The following PRKN variants were observed in gnomAD, a reference collection of about 807,000 sequenced individuals.
PRKN encodes parkin RBR E3 ubiquitin protein ligase.
A neutral mutation model predicts 59.5 loss-of-function variants in PRKN; 56 were observed. The ratio of observed to expected loss-of-function variants is 0.94; its 90% CI spans 0.76 to 1.18. The LOEUF (loss-of-function observed/expected upper bound fraction) is 1.18. Ranked by LOEUF, PRKN falls within the 50% of genes most tolerant of loss-of-function variation. PRKN has a pLI of 0.00. For synonymous variants in PRKN, 250 were observed against 222.1 expected (o/e 1.13, Z -1.12); for missense variants, 657 against 596.4 (o/e 1.10, Z -1.06).
rs539300613 is a variant in PRKN, at chr6:161,368,357, GTATA to G, written c.1168-8156_1168-8153del. Among the ~76,000 whole-genome samples the G allele has an allele frequency of 2.1e-3, 175 of 85,260 alleles. 1 individual carries two copies. Among genetic ancestry groups the G allele is most frequent in the African/African-American group, 6.8e-3 (156 of 22,852 alleles). The allele number at this position is 85,260 out of a possible 152,430, so 55.9% of individuals were successfully genotyped here. A position where few individuals can be genotyped will look rare whatever the true frequency, so the allele number is the denominator to read the frequency against. On this transcript the variant is annotated intron_variant, in intron 10 of 11. Coordinates refer to ENST00000366898, the MANE Select transcript of PRKN (RefSeq NM_004562.3). ...TATATATATTTGTATATATATTTGT[GTATA>G]TATATAGCAACCTCAGTCTTGATAT...
chr6:161,589,208 G>A (rs1247257214), intron 7 of PRKN, among the ~76,000 whole-genome samples: 2 of 152,200 alleles, frequency 1.3e-5, no homozygotes, highest in African/African-American at 2.4e-5. Flanking sequence ...GGGTAAGGAG[G>A]ACGCGCAGAG....
Position 161,357,753 on chromosome 6 carries a change from T to C in PRKN, c.1285+2335A>G, listed in dbSNP as rs1784816496. On this transcript the variant is annotated intron_variant, in intron 11 of 11. Transcript: ENST00000366898. This position sits in a 1 kb window ranked among gnomAD's most constrained non-coding sequence, Gnocchi z 5.5. ...GACATATGTGCCACTTGCTTTGAAA[T>C]TCTGATTTCTCACTGAGGATGGATG... 6.6e-6 allele frequency among the ~76,000 whole-genome samples: 1 copy of C among 152,252 alleles called. No homozygotes were observed. Among genetic ancestry groups the C allele is most frequent in the African/African-American group, 2.4e-5 (1 of 41,470 alleles).
chr6:162,422,800 G>A (rs1789040188), intron 2 of PRKN, among the ~76,000 whole-genome samples: 1 of 151,926 alleles, frequency 6.6e-6, no homozygotes, highest in African/African-American at 2.4e-5. Flanking sequence ...AAAAAAATTA[G>A]CTGGACATGA....
chr6:162,398,751 A>G (rs2128148492), intron 2 of PRKN, among the ~76,000 whole-genome samples: 1 of 152,242 alleles, frequency 6.6e-6, no homozygotes, highest in South Asian at 2.1e-4. Flanking sequence ...AAATATGCAA[A>G]TCTCCTTTTC....
At chr6:162,235,902 AAAGGAAGGAAGGAAGGAAGG>A (rs777894905) in intron 3 of PRKN, among the ~76,000 whole-genome samples, 829 of 73,274 alleles carry the variant, frequency 0.011, 32 homozygotes, top group African/African-American at 0.048. Context: ...AGAAAGAAGG[AAAGGAAGGAAGGAAGGAAGG>A]AAGGAAGGAA....
At chr6:161,974,671 G>GA (rs939339290) in intron 5 of PRKN, among the ~76,000 whole-genome samples, 108 of 148,386 alleles carry the variant, frequency 7.3e-4, no homozygotes, top group African/African-American at 2.4e-3. Flanking sequence ...TTTTGCTACT[G>GA]AAAAAAAAAA....
At chr6:162,601,678 C>T (rs575178211) in intron 1 of PRKN, among the ~76,000 whole-genome samples, 11 of 151,974 alleles carry the variant, frequency 7.2e-5, no homozygotes, top group African/African-American at 2.4e-4. Context: ...CATATATGAG[C>T]AGTACATTTT....
intron 7 of PRKN, among the ~76,000 whole-genome samples, chr6:161,758,322 C>A (rs1789039846): frequency 6.6e-6 from 1 of 151,850 alleles, no homozygotes; most frequent in South Asian, 2.1e-4. Flanking sequence ...GGAAACAAGC[C>A]CAGCATTCAT....
At chr6:161,465,971 C>T (rs1385421314) in intron 9 of PRKN, among the ~76,000 whole-genome samples, 1 of 152,098 alleles carries the variant, frequency 6.6e-6, no homozygotes, top group Non-Finnish European at 1.5e-5. Flanking sequence ...ATATATTCAA[C>T]ACATACAAAA....
chr6:162,578,257 T>C (rs1780642211), intron 1 of PRKN, among the ~76,000 whole-genome samples: 1 of 152,124 alleles, frequency 6.6e-6, no homozygotes, highest in African/African-American at 2.4e-5. Flanking sequence ...CAAACATATA[T>C]ATAGTATAAG....
intron 5 of PRKN, among the ~76,000 whole-genome samples, chr6:162,031,212 C>T (rs575149108): frequency 6.6e-6 from 1 of 151,658 alleles, no homozygotes; most frequent in Admixed American, 6.6e-5. Context: ...TGGCTTCTTT[C>T]TGCACACACC....
chr6:162,488,621 G>A (rs539694408), intron 1 of PRKN, among the ~76,000 whole-genome samples: 8 of 152,304 alleles, frequency 5.3e-5, no homozygotes, highest in African/African-American at 1.7e-4. Flanking sequence ...CACTCTGGAT[G>A]GGTGACCGTC....
intron 7 of PRKN, among the ~76,000 whole-genome samples, chr6:161,623,776 A>G (rs769599343): frequency 3.9e-5 from 6 of 152,250 alleles, no homozygotes; most frequent in Non-Finnish European, 8.8e-5. Context: ...AAAGGAAAGA[A>G]TGAAGACATA....
At position 161,461,039 on chromosome 6, in the gene PRKN, G is replaced by T. The variant is rs1339522864; in HGVS notation, c.1084-74162C>A. On this transcript the variant is annotated intron_variant, in intron 9 of 11. Coordinates refer to ENST00000366898, the MANE Select transcript of PRKN (RefSeq NM_004562.3). The surrounding 1 kb of genome is among the most constrained non-coding windows in gnomAD (Gnocchi z 5.1). The stretch of plus-strand genomic sequence containing the variant: ...CCCAAAGTACTGGGACTACAGGTGT[G>T]AGCCACCATGCCCGGTCCAAGAGTC... Among the ~76,000 whole-genome samples the T allele has an allele frequency of 6.6e-6, 1 of 151,946 alleles. No individual in the cohort carries two copies. The highest frequency in any genetic ancestry group is 6.6e-5 in the Admixed American group (1 of 15,254).
chr6:161,689,317 T>C (rs1785687673), intron 7 of PRKN, among the ~76,000 whole-genome samples: 1 of 152,156 alleles, frequency 6.6e-6, no homozygotes, highest in South Asian at 2.1e-4. Context: ...GCTTCTGTCA[T>C]ATTCCATATG....
chr6:161,780,685 C>T (rs983402995), intron 7 of PRKN, among the ~76,000 whole-genome samples: 9 of 152,104 alleles, frequency 5.9e-5, no homozygotes, highest in African/African-American at 2.2e-4. Flanking sequence ...AACGGCAACA[C>T]TGACGATGTC....
chr6:162,171,113 T>C (rs1317361354), intron 4 of PRKN, among the ~76,000 whole-genome samples: 1 of 152,018 alleles, frequency 6.6e-6, no homozygotes, highest in Non-Finnish European at 1.5e-5. Flanking sequence ...TAGACACCAT[T>C]GCCTCTTGGT....
chr6:162,094,609 T>C (rs1462867779), intron 4 of PRKN, among the ~76,000 whole-genome samples: 1 of 152,078 alleles, frequency 6.6e-6, no homozygotes. Flanking sequence ...CTTTGAATGT[T>C]TCTCATGTGA....
intron 5 of PRKN, among the ~76,000 whole-genome samples, chr6:162,010,196 A>T: frequency 7.2e-6 from 1 of 139,442 alleles, no homozygotes; most frequent in African/African-American, 2.7e-5. Context: ...TTTGGAACAA[A>T]TTTCTGATAT....
Sources: allele counts gnomAD v4.1 joint callset (sites outside exome capture counted in the v4.1 genomes callset), GRCh38; gene constraint gnomAD v4.1.1; non-coding constraint Gnocchi (gnomAD v3.1); transcripts MANE v1.5; gene names NCBI Gene and HGNC (gene_info 2026-07-23, HGNC 2026-07-21).